Variants in LHX8 observed in about 807,000 individuals in gnomAD.
LHX8 encodes LIM homeobox 8, also known as LIM/homeobox protein Lhx8.
In LHX8, 12 loss-of-function variants were observed where a neutral mutation model predicts 40.3. That is an observed-to-expected ratio of 0.30 (90% confidence interval 0.19 to 0.48). The LOEUF is 0.48. LHX8 is among the 20% of genes least tolerant of loss of function. LHX8 has a pLI of 0.99. For missense variants in LHX8, 344 were observed against 433.7 expected (o/e 0.79, Z 1.84); for synonymous variants, 179 against 162.0 (o/e 1.10, Z -0.80).
chr1:75,188,638 C>T, the LHX8 span, among the ~76,000 whole-genome samples: 2 of 152,182 alleles, frequency 1.3e-5, no homozygotes, highest in African/African-American at 4.8e-5. Context: ...TAGGTAGAGG[C>T]ACTATTCCTC....
rs1648142182 is a variant in LHX8, at chr1:75,136,606, C to T, written c.-9C>T. 1 of 1,549,380 alleles carries T rather than the reference C, an allele frequency of 6.5e-7. No individual in the cohort carries two copies. The highest frequency in any genetic ancestry group is 8.7e-7 in the Non-Finnish European group (1 of 1,145,852). On this transcript the variant is annotated 5_prime_UTR_variant, in exon 2 of 9. Coordinates refer to ENST00000356261, the MANE Select transcript of LHX8 (RefSeq NM_001256114.2). ...TTCTCCCCCTCCTACTCCGCAGTGT[C>T]AGGGGCTCATGTCAGAGGAGTGCGG... is the stretch of plus-strand genomic sequence containing the variant.
In LHX8 at chr1:75,137,141, C is replaced by T. The variant is rs371247581; in HGVS notation, c.117C>T (p.Ser39=). The change falls in exon 3 of 9, where the codon TCC becomes TCT. Residue 39 remains serine, a synonymous_variant. Transcript: ENST00000356261. ...EGAGDEDSCS[S]SAPLSPSSSP... ...CGGGGGACGAGGACTCGTGCTCCTC[C>T]TCGGCCCCGCTGTCCCCGTCGTCCT... The T allele has an allele frequency of 5.0e-6, 8 of 1,612,038 alleles. No individual in the cohort carries two copies. In the Admixed American group the frequency reaches 6.7e-5, roughly 13 times the overall value.
At chr1:75,135,312 G>C (rs1367358140) in intron 1 of LHX8, among the ~76,000 whole-genome samples, 1 of 152,266 alleles carries the variant, frequency 6.6e-6, no homozygotes, top group Non-Finnish European at 1.5e-5. Flanking sequence ...TCTGCAGCCT[G>C]TCTGAGGGCC....
intron 3 of LHX8, among the ~76,000 whole-genome samples, chr1:75,137,754 CTT>C (rs1648195566): frequency 6.6e-6 from 1 of 152,182 alleles, no homozygotes; most frequent in Non-Finnish European, 1.5e-5. Context: ...TGCAGTGTCT[CTT>C]TTGGTGAAAG....
chr1:75,177,057 T>G, the LHX8 span, among the ~76,000 whole-genome samples: 2 of 152,222 alleles, frequency 1.3e-5, no homozygotes, highest in African/African-American at 2.4e-5. Context: ...ACCAGTACCA[T>G]GCTTTTTTGA....
chr1:75,130,475 G>A (rs1311685025), upstream of LHX8: 1 of 581,018 alleles, frequency 1.7e-6, no homozygotes, highest in East Asian at 2.8e-5. Context: ...CGGGTGTCCC[G>A]CGTGGAGCAG....
chr1:75,134,354 T>C (rs1412732775), upstream of LHX8, among the ~76,000 whole-genome samples: 1 of 152,022 alleles, frequency 6.6e-6, no homozygotes, highest in Non-Finnish European at 1.5e-5. Flanking sequence ...AACTTTTTTT[T>C]TTTTCTTTTC....
At position 75,160,860 on chromosome 1, in the gene LHX8, C is replaced by A. The variant is rs757317452; in HGVS notation, c.1006C>A (p.His336Asn). The A allele has an allele frequency of 3.1e-6, 5 of 1,612,962 alleles. No homozygotes were observed. In the African/African-American group the frequency reaches 5.3e-5, roughly 17 times the overall value. ...TCTTGGACTCCAGCCCTTGTTACCC[C>A]ATTCAATGACACAACTGCCAATAAG... ...TTLGLQPLLP[H>N]SMTQLPISHT Residue 336 changes from histidine (H) to asparagine (N), a missense_variant, in exon 9 of 9, where the codon CAT becomes AAT. Around this residue, in one of 3 missense-constraint regions of LHX8, gnomAD observed 89 missense variants for 92.8 expected, o/e 0.96. Coordinates refer to ENST00000356261, the MANE Select transcript of LHX8 (RefSeq NM_001256114.2).
At chr1:75,134,990 C>A in intron 1 of LHX8, 36 bp downstream of exon 1, 2 of 952,734 alleles carry the variant, frequency 2.1e-6, no homozygotes, top group Non-Finnish European at 2.5e-6. Flanking sequence ...CTGTGGTGAT[C>A]GTGGCGGTCC....
In LHX8 at chr1:75,143,837, A is replaced by T; in HGVS notation, c.581-8A>T. The T allele has an allele frequency of 3.1e-6, 5 of 1,604,678 alleles. No homozygotes were observed. Among genetic ancestry groups the T allele is most frequent in the Non-Finnish European group, 4.3e-6 (5 of 1,171,522 alleles). ...TACCAACATATATAGTGTGTTTTTT[A>T]AATGCAGGGAATGGGATTAGTGTGG... On this transcript the variant is annotated splice_polypyrimidine_tract_variant and splice_region_variant and intron_variant, in intron 5 of 8. Transcript: ENST00000356261.
chr1:75,196,808 A>G, the LHX8 span, among the ~76,000 whole-genome samples: 3 of 152,152 alleles, frequency 2.0e-5, no homozygotes, highest in African/African-American at 7.2e-5. Context: ...TTACCCTCCT[A>G]ACACATATAC....
intron 6 of LHX8, among the ~76,000 whole-genome samples, chr1:75,146,026 A>G (rs954884913): frequency 6.6e-6 from 1 of 152,154 alleles, no homozygotes; most frequent in African/African-American, 2.4e-5. Context: ...ATGAGATACA[A>G]TCTTTGTCCT....
chr1:75,160,417 G>C, intron 8 of LHX8: 1 of 225,522 alleles, frequency 4.4e-6, no homozygotes, highest in East Asian at 1.1e-4. Flanking sequence ...AGTGTGTTTT[G>C]ATGTATGCTT....
chr1:75,199,161 A>C, the LHX8 span, among the ~76,000 whole-genome samples: 1 of 152,192 alleles, frequency 6.6e-6, no homozygotes, highest in African/African-American at 2.4e-5. Flanking sequence ...TTTCTTTTTC[A>C]ATAGATTTAT....
At chr1:75,167,739 G>A in the LHX8 span, among the ~76,000 whole-genome samples, 1 of 152,194 alleles carries the variant, frequency 6.6e-6, no homozygotes, top group Non-Finnish European at 1.5e-5. Flanking sequence ...ACAGGGCATT[G>A]ACAGAGCAGT....
downstream of LHX8, among the ~76,000 whole-genome samples, chr1:75,164,680 ATTAC>A (rs1165604980): frequency 2.7e-5 from 4 of 150,208 alleles, no homozygotes; most frequent in African/African-American, 9.8e-5. Flanking sequence ...AACTTTATTT[ATTAC>A]TTGATATAAA....
chr1:75,148,769 T>C (rs961527129), intron 7 of LHX8, 87 bp downstream of exon 7: 2 of 925,514 alleles, frequency 2.2e-6, no homozygotes, highest in African/African-American at 3.3e-5. Context: ...TCTTGAACTC[T>C]TGAGCTTAAG....
At chr1:75,180,483 A>T in the LHX8 span, among the ~76,000 whole-genome samples, 1 of 152,150 alleles carries the variant, frequency 6.6e-6, no homozygotes, top group African/African-American at 2.4e-5. Flanking sequence ...TGATTGAATC[A>T]GGTACTGATG....
At chr1:75,181,503 C>T in the LHX8 span, among the ~76,000 whole-genome samples, 1 of 152,204 alleles carries the variant, frequency 6.6e-6, no homozygotes, top group African/African-American at 2.4e-5. Flanking sequence ...ACCCTCTGAG[C>T]CAGGCACGGG....
Sources: allele counts gnomAD v4.1 joint callset (sites outside exome capture counted in the v4.1 genomes callset), GRCh38; gene constraint gnomAD v4.1.1; regional missense constraint gnomAD v4.1.1; transcripts MANE v1.5; gene names NCBI Gene and HGNC (gene_info 2026-07-23, HGNC 2026-07-21).